The following DHRSX variants were observed in gnomAD, a reference collection of about 807,000 sequenced individuals.
DHRSX encodes the protein dehydrogenase/reductase X-linked, also known as polyprenol dehydrogenase.
Under a neutral mutation model 34.0 loss-of-function variants are expected in DHRSX, and 31 were observed. The observed-to-expected ratio is 0.91, with a 90% CI of 0.69 to 1.23. DHRSX has a LOEUF of 1.23. Among genes scored for constraint, DHRSX ranks in the 50% most tolerant of loss-of-function variants. DHRSX has a pLI of 0.00. For synonymous variants in DHRSX, 201 were observed against 183.8 expected (o/e 1.09, Z -0.76); for missense variants, 414 against 428.1 (o/e 0.97, Z 0.29).
chrX:2,452,227 G>A lies in DHRSX; in HGVS notation c.110-26923C>T, dbSNP rs775600775. On this transcript the variant is annotated intron_variant, in intron 1 of 6. Coordinates refer to ENST00000334651, the MANE Select transcript of DHRSX (RefSeq NM_145177.3). Reference sequence around the variant, plus strand: ...AGATGTTCCCAAAAAATGTGGCCAAGGGACTGCTGCCATGTGCACATTGAA... The same window carrying A: ...AGATGTTCCCAAAAAATGTGGCCAAAGGACTGCTGCCATGTGCACATTGAA... 1.1e-4 allele frequency among the ~76,000 whole-genome samples: 16 copies of A among 152,066 alleles called. No homozygotes were observed. In the South Asian group the frequency reaches 3.1e-3, roughly 30 times the overall value.
In DHRSX at chrX:2,408,682, G is replaced by A. The variant is rs2043588857; in HGVS notation, c.286+63C>T. On this transcript the variant is annotated intron_variant, in intron 3 of 6. Coordinates refer to ENST00000334651, the MANE Select transcript of DHRSX (RefSeq NM_145177.3). ...TGACTGAAGCTCAGCCATGAACCAC[G>A]CAAACGACCTGTCCCAAGGAAAAAA... 6.2e-6 allele frequency: 9 copies of A among 1,448,474 alleles called. No homozygotes were observed. The East Asian group carries it at 6.9e-5, about 11-fold the overall frequency. The allele number at this position is 1,448,474 out of a possible 1,614,324, so 89.7% of individuals were successfully genotyped here. A position where few individuals can be genotyped will look rare whatever the true frequency, so the allele number is the denominator to read the frequency against.
chrX:2,268,445 T>A (rs925501414), intron 4 of DHRSX, among the ~76,000 whole-genome samples: 16 of 152,262 alleles, frequency 1.1e-4, no homozygotes, highest in African/African-American at 3.9e-4. Context: ...CATATACATA[T>A]ATGCATACGC....
At chrX:2,294,817 A>AGG (rs917623364) in intron 3 of DHRSX, among the ~76,000 whole-genome samples, 20 of 151,634 alleles carry the variant, frequency 1.3e-4, no homozygotes, top group Admixed American at 1.1e-3. Flanking sequence ...GGAAAAAGAG[A>AGG]GGGAGAGAGA....
At chrX:2,485,763 AGAAG>A (rs1172129841) in intron 1 of DHRSX, among the ~76,000 whole-genome samples, 1 of 46,340 alleles carries the variant, frequency 2.2e-5, no homozygotes, top group Non-Finnish European at 4.1e-5. Context: ...AGGAAGGGAG[AGAAG>A]GAAGGAAGGG....
At chrX:2,443,472 T>A (rs1194958297) in intron 1 of DHRSX, among the ~76,000 whole-genome samples, 1 of 152,042 alleles carries the variant, frequency 6.6e-6, no homozygotes, top group African/African-American at 2.4e-5. Context: ...TCTCTACCCA[T>A]TCTCCAAGGG....
chrX:2,259,369 T>C (rs1458680817), intron 5 of DHRSX, among the ~76,000 whole-genome samples: 1 of 78,362 alleles, frequency 1.3e-5, no homozygotes, highest in Middle Eastern at 5.6e-3. Context: ...GATATAGATA[T>C]ATATAGATAT....
chrX:2,350,298 C>T (rs2042774409), intron 3 of DHRSX, among the ~76,000 whole-genome samples: 1 of 152,098 alleles, frequency 6.6e-6, no homozygotes, highest in Non-Finnish European at 1.5e-5. Flanking sequence ...TTGCAGTGAG[C>T]CGAGATCACG....
intron 3 of DHRSX, among the ~76,000 whole-genome samples, chrX:2,344,600 A>G (rs981911160): frequency 2.6e-5 from 4 of 152,032 alleles, no homozygotes; most frequent in African/African-American, 9.7e-5. Context: ...CATTCTCAGC[A>G]AACTAACACA....
chrX:2,431,072 T>A (rs779341595), intron 1 of DHRSX, among the ~76,000 whole-genome samples: 18 of 151,444 alleles, frequency 1.2e-4, no homozygotes, highest in African/African-American at 4.1e-4. Context: ...ATGCCTGTAA[T>A]CCCAGCACTT....
chrX:2,318,505 C>A (rs371235520), intron 3 of DHRSX, among the ~76,000 whole-genome samples: 1 of 151,724 alleles, frequency 6.6e-6, no homozygotes, highest in African/African-American at 2.4e-5. Context: ...AAGATGGCGA[C>A]GAGACTGACC....
chrX:2,245,978 C>CAA (rs1218727541), intron 5 of DHRSX, among the ~76,000 whole-genome samples: 6 of 131,654 alleles, frequency 4.6e-5, no homozygotes, highest in Admixed American at 2.4e-4. Context: ...AACAAAAAAA[C>CAA]AAAAAAACAC....
At chrX:2,407,040 A>G (rs2043564081) in intron 3 of DHRSX, among the ~76,000 whole-genome samples, 1 of 152,182 alleles carries the variant, frequency 6.6e-6, no homozygotes, top group Non-Finnish European at 1.5e-5. Context: ...ACACGAAAGC[A>G]TAAAGAAAAT....
At chrX:2,231,820 T>C (rs1405327036) in intron 6 of DHRSX, among the ~76,000 whole-genome samples, 1 of 143,072 alleles carries the variant, frequency 7.0e-6, no homozygotes, top group African/African-American at 2.7e-5. Flanking sequence ...TCCCTTCCTC[T>C]TCCTTTCTTT....
chrX:2,467,869 G>A (rs1195077155), intron 1 of DHRSX, among the ~76,000 whole-genome samples: 22 of 151,434 alleles, frequency 1.5e-4, no homozygotes, highest in Admixed American at 1.5e-3. Context: ...AGCCACTCAG[G>A]AGAATCGCTT....
intron 3 of DHRSX, among the ~76,000 whole-genome samples, chrX:2,360,449 GGT>G (rs2042917336): frequency 6.6e-6 from 1 of 152,104 alleles, no homozygotes; most frequent in Non-Finnish European, 1.5e-5. Context: ...CAGGTGTGGT[GGT>G]GCGTGCCTGT....
At chrX:2,301,041 CAGA>C (rs1178993819) in intron 3 of DHRSX, among the ~76,000 whole-genome samples, 1 of 152,284 alleles carries the variant, frequency 6.6e-6, no homozygotes, top group East Asian at 1.9e-4. Flanking sequence ...TCCACGGAAA[CAGA>C]AGGTGTCACC....
At chrX:2,390,426 C>T (rs1445966655) in intron 3 of DHRSX, among the ~76,000 whole-genome samples, 2 of 144,344 alleles carry the variant, frequency 1.4e-5, no homozygotes, top group African/African-American at 5.3e-5. Flanking sequence ...GCATGAGTCA[C>T]CATGCCCAGC....
At chrX:2,266,639 T>C in intron 5 of DHRSX, 101 bp downstream of exon 5, 1 of 1,186,650 alleles carries the variant, frequency 8.4e-7, no homozygotes, top group Non-Finnish European at 1.2e-6. Context: ...AGCACCAGCG[T>C]CCAGCAGATG....
intron 5 of DHRSX, among the ~76,000 whole-genome samples, chrX:2,253,456 T>TGGGAGGTGGACATGGCA: frequency 6.6e-6 from 1 of 150,652 alleles, no homozygotes; most frequent in East Asian, 2.0e-4. Flanking sequence ...CACTGCAGCC[T>TGGGAGGTGGACATGGCA]GGGAGGTGGA....
Sources: gnomAD v4.1 joint callset for allele counts (sites outside exome capture counted in the v4.1 genomes callset) on GRCh38, gnomAD v4.1.1 for gene constraint, MANE v1.5 for transcripts, NCBI Gene and HGNC (gene_info 2026-07-23, HGNC 2026-07-21) for gene names.